The following CLSTN2 variants were observed in gnomAD, a reference collection of about 807,000 sequenced individuals.
The protein encoded by CLSTN2 is calsyntenin-2.
CLSTN2 carries 48 observed loss-of-function variants against 101.2 expected under a neutral mutation model. That is an observed-to-expected ratio of 0.47 (90% CI 0.38 to 0.60). The LOEUF is 0.60. Ranked by LOEUF, CLSTN2 falls within the 20% of genes least tolerant of loss-of-function variation. The pLI is 0.00. For synonymous variants in CLSTN2, 481 were observed against 463.6 expected (o/e 1.04, Z -0.48); for missense variants, 1,160 against 1,238.2 (o/e 0.94, Z 0.95).
intron 2 of CLSTN2, among the ~76,000 whole-genome samples, chr3:140,352,664 T>A (rs1018141273): frequency 1.3e-5 from 2 of 152,194 alleles, no homozygotes; most frequent in East Asian, 3.8e-4. Context: ...AATACAGCAG[T>A]CTTTTCCCTT....
At chr3:140,163,845 C>G (rs1310164226) in intron 1 of CLSTN2, among the ~76,000 whole-genome samples, 1 of 151,744 alleles carries the variant, frequency 6.6e-6, no homozygotes, top group Non-Finnish European at 1.5e-5. Context: ...ATAGTAGGCC[C>G]TCAGGAGTGG....
At chr3:140,332,732 G>A (rs895658316) in intron 2 of CLSTN2, among the ~76,000 whole-genome samples, 5 of 151,362 alleles carry the variant, frequency 3.3e-5, no homozygotes, top group Non-Finnish European at 5.9e-5. Flanking sequence ...TTATAGGAAG[G>A]ATCCCTTTGC....
chr3:140,133,881 T>C (rs2009560543), intron 1 of CLSTN2, among the ~76,000 whole-genome samples: 3 of 152,208 alleles, frequency 2.0e-5, no homozygotes, highest in Non-Finnish European at 4.4e-5. Flanking sequence ...GCTGTAATTC[T>C]ACTGCAGAAT....
intron 2 of CLSTN2, among the ~76,000 whole-genome samples, chr3:140,179,642 A>C (rs58827628): frequency 6.8e-6 from 1 of 147,924 alleles, no homozygotes; most frequent in East Asian, 1.9e-4. Flanking sequence ...AAAAAAAAAA[A>C]AAAAAAAAAA....
At chr3:140,311,389 T>G (rs2087167312) in intron 2 of CLSTN2, among the ~76,000 whole-genome samples, 1 of 135,784 alleles carries the variant, frequency 7.4e-6, no homozygotes, top group East Asian at 2.6e-4. Context: ...CACTGCAACC[T>G]CTGCCTCCTG....
Position 140,254,693 on chromosome 3 carries a change from G to A in CLSTN2, c.232+78620G>A, listed in dbSNP as rs1186644530. On this transcript the variant is annotated intron_variant, in intron 2 of 16. Transcript: ENST00000458420. ...AAAAATCAACTCAAAATGGATTAAAGACTTAAATGTAAAATCTAAAACTGT... is the reference window on the plus strand; with the variant it reads ...AAAAATCAACTCAAAATGGATTAAAAACTTAAATGTAAAATCTAAAACTGT... Among the ~76,000 whole-genome samples, 4 of 152,142 alleles carry A rather than the reference G, an allele frequency of 2.6e-5. No individual in the cohort carries two copies. In the East Asian group the frequency reaches 7.7e-4, roughly 29 times the overall value.
intron 1 of CLSTN2, among the ~76,000 whole-genome samples, chr3:140,161,076 G>A (rs1445672453): frequency 6.6e-6 from 1 of 152,082 alleles, no homozygotes; most frequent in African/African-American, 2.4e-5. Flanking sequence ...ACTAGTAAGA[G>A]CAAAGGTCTC....
rs140030596 is a variant in CLSTN2 at position 140,133,279 on chromosome 3, C to T, written c.110-42672C>T. Among the ~76,000 whole-genome samples, 166 of 152,228 alleles carry T rather than the reference C, an allele frequency of 1.1e-3. 1 individual carries two copies. The highest frequency in any genetic ancestry group is 3.5e-3 in the African/African-American group (145 of 41,538). On this transcript the variant is annotated intron_variant, in intron 1 of 16. Transcript: ENST00000458420. ...GGGACCAAGCCATTCGTGAGGGATC[C>T]GCCTCCATGACCCAAACACCTCCCA...
intron 1 of CLSTN2, among the ~76,000 whole-genome samples, chr3:139,948,009 A>T (rs1240758157): frequency 6.6e-6 from 1 of 152,130 alleles, no homozygotes; most frequent in African/African-American, 2.4e-5. Flanking sequence ...TAAATATTCC[A>T]CTACTACTTT....
chr3:139,966,091 G>A (rs1576379199), intron 1 of CLSTN2, among the ~76,000 whole-genome samples: 2 of 152,154 alleles, frequency 1.3e-5, no homozygotes, highest in East Asian at 3.9e-4. Context: ...GACTTACTGT[G>A]ACTAAATGAC....
At chr3:140,087,213 C>A (rs1051599981) in intron 1 of CLSTN2, among the ~76,000 whole-genome samples, 1 of 152,084 alleles carries the variant, frequency 6.6e-6, no homozygotes, top group Non-Finnish European at 1.5e-5. Flanking sequence ...TCCATTTAAC[C>A]TTTGCTGAAC....
At chr3:140,382,478 G>A (rs1304841480) in intron 2 of CLSTN2, among the ~76,000 whole-genome samples, 1 of 152,192 alleles carries the variant, frequency 6.6e-6, no homozygotes, top group Non-Finnish European at 1.5e-5. Flanking sequence ...TTATATTTAA[G>A]CAAATCTGTC....
intron 2 of CLSTN2, among the ~76,000 whole-genome samples, chr3:140,284,485 T>C (rs994457694): frequency 6.6e-6 from 1 of 152,118 alleles, no homozygotes; most frequent in African/African-American, 2.4e-5. Context: ...AAAATCACAT[T>C]ATTCACAAAC....
At chr3:140,339,037 C>G (rs751946148) in intron 2 of CLSTN2, among the ~76,000 whole-genome samples, 4 of 152,184 alleles carry the variant, frequency 2.6e-5, no homozygotes, top group African/African-American at 9.7e-5. Context: ...AGTGGCTCAC[C>G]TGGGTGAAGC....
At chr3:140,076,625 GTTTTTTT>G (rs35645750) in intron 1 of CLSTN2, among the ~76,000 whole-genome samples, 7 of 38,062 alleles carry the variant, frequency 1.8e-4, no homozygotes, top group African/African-American at 4.5e-4. Context: ...CACCAGCAGT[GTTTTTTT>G]TTTTTTTTTT....
chr3:140,289,065 A>G (rs2086925375), intron 2 of CLSTN2, among the ~76,000 whole-genome samples: 1 of 152,136 alleles, frequency 6.6e-6, no homozygotes, highest in Admixed American at 6.5e-5. Flanking sequence ...AGTATGGTAC[A>G]TGTTATTCAC....
chr3:140,012,324 T>C (rs1362461092), intron 1 of CLSTN2, among the ~76,000 whole-genome samples: 1 of 152,138 alleles, frequency 6.6e-6, no homozygotes, highest in Non-Finnish European at 1.5e-5. Flanking sequence ...AATATTACTA[T>C]GTGTATCAGT....
At chr3:140,557,216 G>A (rs1224675556) in intron 11 of CLSTN2, among the ~76,000 whole-genome samples, 1 of 152,132 alleles carries the variant, frequency 6.6e-6, no homozygotes, top group Non-Finnish European at 1.5e-5. Context: ...CTACCTTGGA[G>A]GGCTGCTAGG....
intron 5 of CLSTN2, among the ~76,000 whole-genome samples, chr3:140,426,455 T>C (rs1296000733): frequency 1.3e-5 from 2 of 152,240 alleles, no homozygotes; most frequent in African/African-American, 2.4e-5. Context: ...AAGGACATGA[T>C]CTTGTTCCTT....
Sources: allele counts gnomAD v4.1 joint callset (sites outside exome capture counted in the v4.1 genomes callset), GRCh38; gene constraint gnomAD v4.1.1; transcripts MANE v1.5; gene names NCBI Gene and HGNC (gene_info 2026-07-23, HGNC 2026-07-21).